FAM83D: variants seen among roughly 807,000 people sequenced by gnomAD.
FAM83D encodes protein FAM83D.
Under a neutral mutation model 25.4 loss-of-function variants are expected in FAM83D, and 26 were observed. The ratio of observed to expected loss-of-function variants is 1.02; its 90% CI spans 0.75 to 1.42. The LOEUF (loss-of-function observed/expected upper bound fraction) is 1.42, where lower values mean the gene tolerates loss of function less well. FAM83D is among the 40% of genes most tolerant of loss of function. FAM83D has a pLI of 0.00. For missense variants in FAM83D, 740 were observed against 758.1 expected, an observed-to-expected ratio of 0.98 and a Z score of 0.28; for synonymous variants, 310 against 318.5, an observed-to-expected ratio of 0.97 and a Z score of 0.28.
intron 3 of FAM83D, among the ~76,000 whole-genome samples, chr20:38,951,241 A>G (rs1163287453): frequency 6.6e-6 from 1 of 152,228 alleles, no homozygotes; most frequent in Non-Finnish European, 1.5e-5. Context: ...GTTCAAGACC[A>G]GCCTGAGCAA....
At chr20:38,943,420 CAG>C (rs916923868) in intron 2 of FAM83D, among the ~76,000 whole-genome samples, 3 of 152,218 alleles carry the variant, frequency 2.0e-5, no homozygotes, top group African/African-American at 7.2e-5. Flanking sequence ...AATAGTGACA[CAG>C]AGAATCCAAG....
intron 1 of FAM83D, among the ~76,000 whole-genome samples, chr20:38,938,073 C>T (rs1264844681): frequency 1.3e-5 from 2 of 152,106 alleles, no homozygotes; most frequent in Non-Finnish European, 2.9e-5. Flanking sequence ...CCCTACGCAC[C>T]CTGATGGTGT....
At chr20:38,950,517 GC>G (rs2085748347) in intron 3 of FAM83D, among the ~76,000 whole-genome samples, 4 of 152,324 alleles carry the variant, frequency 2.6e-5, no homozygotes, top group African/African-American at 9.6e-5. Flanking sequence ...TGGCAGCACA[GC>G]CCCATGACTG....
At position 38,945,376 on chromosome 20, in the gene FAM83D, A is replaced by ACATTCCCT. The variant is rs1165069171; in HGVS notation, c.652-2499_652-2492dup. Among the ~76,000 whole-genome samples, 7 of 152,262 alleles carry ACATTCCCT rather than the reference A, an allele frequency of 4.6e-5. No individual in the cohort carries two copies. The East Asian group carries it at 1.4e-3, about 29-fold the overall frequency. Reference sequence around the variant, plus strand: ...CACCAAGTCCAGGTGTACCTCTATGACATTCCCTAGTCGTTTTTCTTTTTT... The same window carrying ACATTCCCT: ...CACCAAGTCCAGGTGTACCTCTATGACATTCCCTCATTCCCTAGTCGTTTTTCTTTTTT... On this transcript the variant is annotated intron_variant, in intron 2 of 3. Transcript: ENST00000619850.
Position 38,951,705 on chromosome 20 carries a change from A to G in FAM83D, c.943A>G (p.Thr315Ala). 6.2e-7 allele frequency: 1 copy of G among 1,614,078 alleles called. No homozygotes were observed. The highest frequency in any genetic ancestry group is 8.5e-7 in the Non-Finnish European group (1 of 1,180,012). Residue 315 changes from threonine (T) to alanine (A), a missense_variant, in exon 4 of 4, where the codon ACC becomes GCC. Transcript: ENST00000619850. ...FQSSNKFDHL[T>A]NRKPQSKELT... is the part of the protein sequence containing the mutation. ...GAGCAGCAACAAGTTTGATCACCTC[A>G]CCAACCGAAAACCACAGTCCAAGGA...
chr20:38,948,141 G>A, intron 3 of FAM83D, 141 bp downstream of exon 3: 1 of 1,018,690 alleles, frequency 9.8e-7, no homozygotes, highest in Non-Finnish European at 1.4e-6. Flanking sequence ...TATAGCAGCT[G>A]GTTATCAAAG....
chr20:38,934,684 T>C (rs539625748), intron 1 of FAM83D, among the ~76,000 whole-genome samples: 85 of 152,254 alleles, frequency 5.6e-4, no homozygotes, highest in African/African-American at 1.2e-3. Flanking sequence ...CTAATTATAA[T>C]AGCAAAACAC....
chr20:38,926,612 C>T lies in FAM83D; in HGVS notation c.170C>T (p.Ala57Val). 2 of 1,542,200 alleles carry T rather than the reference C, an allele frequency of 1.3e-6. No individual in the cohort carries two copies. The highest frequency in any genetic ancestry group is 1.7e-6 in the Non-Finnish European group (2 of 1,149,916). The change falls in exon 1 of 4, where the codon GCT becomes GTT. Residue 57 changes from alanine to valine, a missense_variant. Physicochemically the swap from Ala to Val is moderately conservative, Grantham distance 64 (BLOSUM62 0). Around this residue, in one of 3 missense-constraint regions of FAM83D, gnomAD observed 333 missense variants for 298.6 expected, o/e 1.12. Coordinates refer to ENST00000619850, the MANE Select transcript of FAM83D (RefSeq NM_030919.3). ...GCCTTCCTGCGACGCGAGCGCCTGG[C>T]TCGTTTCCTGAACCCCGATGAGGTG... ...FAAFLRRERL[A>V]RFLNPDEVHA...
intron 1 of FAM83D, among the ~76,000 whole-genome samples, chr20:38,940,789 A>G (rs1414467713): frequency 6.6e-6 from 1 of 152,222 alleles, no homozygotes; most frequent in African/African-American, 2.4e-5. Flanking sequence ...TGGCAGGAGC[A>G]GCCTGTCTTT....
At position 38,926,641 on chromosome 20, in the gene FAM83D, G is replaced by C. The variant is rs778401144; in HGVS notation, c.199G>C (p.Ala67Pro). ...TTTCCTGAACCCCGATGAGGTGCACGCCATTCTGCGCGCGGCGGAGAGGCC... is the reference window on the plus strand; with the variant it reads ...TTTCCTGAACCCCGATGAGGTGCACCCCATTCTGCGCGCGGCGGAGAGGCC... ...ARFLNPDEVH[A>P]ILRAAERPGE... Residue 67 changes from alanine to proline, a missense_variant, in exon 1 of 4, where the codon GCC becomes CCC. By Grantham distance (27) the Ala-to-Pro change is conservative. This residue lies in a region of FAM83D where 333 missense variants were observed against 298.6 expected (regional missense o/e 1.12). Transcript: ENST00000619850. 6.4e-5 allele frequency: 98 copies of C among 1,537,310 alleles called. No homozygotes were observed. The highest frequency in any genetic ancestry group is 1.4e-4 in the Admixed American group (7 of 51,100).
At chr20:38,940,400 C>T (rs1329297387) in intron 1 of FAM83D, among the ~76,000 whole-genome samples, 8 of 152,144 alleles carry the variant, frequency 5.3e-5, no homozygotes, top group Admixed American at 5.2e-4. Flanking sequence ...TCCCCCAAAT[C>T]CTTAAGGAGT....
intron 2 of FAM83D, among the ~76,000 whole-genome samples, chr20:38,944,136 A>G (rs1418294510): frequency 6.6e-6 from 1 of 152,204 alleles, no homozygotes; most frequent in Non-Finnish European, 1.5e-5. Context: ...TGCACTGGGT[A>G]CTAGATATAA....
At chr20:38,937,223 G>A (rs570866623) in intron 1 of FAM83D, among the ~76,000 whole-genome samples, 4 of 152,340 alleles carry the variant, frequency 2.6e-5, no homozygotes, top group African/African-American at 9.6e-5. Flanking sequence ...CCACTCTCAC[G>A]ACTTTCTAGT....
chr20:38,951,803 C>G lies in FAM83D; in HGVS notation c.1041C>G (p.Asp347Glu), dbSNP rs1220346638. Residue 347 changes from aspartate (D) to glutamate (E), a missense_variant, in exon 4 of 4, where the codon GAC (aspartate) becomes GAG (glutamate). Physicochemically the swap from Asp to Glu is conservative, Grantham distance 45. Transcript: ENST00000619850. ...GTACTCCCAGGAAGGCGGACCTGGACCCAGAGATGCCCGCAGAGGGCAAGG... is the reference window on the plus strand; with the variant it reads ...GTACTCCCAGGAAGGCGGACCTGGAGCCAGAGATGCCCGCAGAGGGCAAGG... Reference protein sequence around the residue: ...LSSTPRKADLDPEMPAEGKAE... With the variant: ...LSSTPRKADLEPEMPAEGKAE... The G allele has an allele frequency of 1.2e-6, 2 of 1,614,194 alleles. No homozygotes were observed. Among genetic ancestry groups the G allele is most frequent in the East Asian group, 4.5e-5 (2 of 44,884 alleles).
intron 1 of FAM83D, among the ~76,000 whole-genome samples, chr20:38,940,582 G>A (rs910124261): frequency 6.6e-6 from 1 of 152,178 alleles, no homozygotes; most frequent in African/African-American, 2.4e-5. Flanking sequence ...GAAATGGGGA[G>A]GAAGGAGAAA....
At chr20:38,946,483 A>G (rs1406437172) in intron 2 of FAM83D, among the ~76,000 whole-genome samples, 2 of 152,202 alleles carry the variant, frequency 1.3e-5, no homozygotes, top group African/African-American at 2.4e-5. Flanking sequence ...TTGACATTGT[A>G]TACAGCTTTG....
chr20:38,940,089 G>A (rs1393423393), intron 1 of FAM83D, among the ~76,000 whole-genome samples: 4 of 152,204 alleles, frequency 2.6e-5, no homozygotes, highest in Admixed American at 1.3e-4. Flanking sequence ...TGTAAAGCCA[G>A]TGGAGGATGT....
chr20:38,933,947 C>T (rs1220524917), intron 1 of FAM83D, among the ~76,000 whole-genome samples: 1 of 152,024 alleles, frequency 6.6e-6, no homozygotes, highest in Non-Finnish European at 1.5e-5. Context: ...TTCTGCCTCC[C>T]GGGTTCAAGC....
intron 1 of FAM83D, among the ~76,000 whole-genome samples, chr20:38,935,009 C>T (rs1012235069): frequency 9.2e-5 from 14 of 151,982 alleles, no homozygotes; most frequent in African/African-American, 3.4e-4. Flanking sequence ...TAGTTATATA[C>T]ATAATACACA....
Sources: gnomAD v4.1 joint callset for allele counts (sites outside exome capture counted in the v4.1 genomes callset) on GRCh38, gnomAD v4.1.1 for gene constraint, gnomAD v4.1.1 regional missense constraint, MANE v1.5 for transcripts, NCBI Gene and HGNC (gene_info 2026-07-23, HGNC 2026-07-21) for gene names.